The following GABRG2 variants were observed in gnomAD, a reference collection of about 807,000 sequenced individuals.
GABRG2 encodes gamma-aminobutyric acid type A receptor subunit gamma2, also known as gamma-aminobutyric acid receptor subunit gamma-2.
GABRG2 carries 16 observed loss-of-function variants against 56.4 expected under a neutral mutation model. The observed-to-expected ratio is 0.28, with a 90% CI of 0.19 to 0.43. GABRG2 has a LOEUF of 0.43. Among genes scored for constraint, GABRG2 ranks in the 20% least tolerant of loss-of-function variants. The pLI, the probability that GABRG2 is intolerant of heterozygous loss-of-function variation, is 1.00. For synonymous variants in GABRG2, 208 were observed against 205.5 expected (o/e 1.01, Z -0.10); for missense variants, 327 against 582.7 (o/e 0.56, Z 4.52).
At chr5:162,101,135 G>A (rs1761383116) in intron 4 of GABRG2, 100 bp from the exon 5 acceptor site, 2 of 837,190 alleles carry the variant, frequency 2.4e-6, no homozygotes, top group Non-Finnish European at 4.0e-6. Flanking sequence ...CAATCAGAAT[G>A]TGAGATATTC....
At chr5:162,141,455 G>A (rs1385435640) in intron 6 of GABRG2, among the ~76,000 whole-genome samples, 1 of 152,182 alleles carries the variant, frequency 6.6e-6, no homozygotes, top group Non-Finnish European at 1.5e-5. Context: ...AAATGTTACT[G>A]AATGCCTGTT....
intron 1 of GABRG2, among the ~76,000 whole-genome samples, chr5:162,077,197 G>A (rs1193496180): frequency 6.6e-6 from 1 of 151,566 alleles, no homozygotes; most frequent in Non-Finnish European, 1.5e-5. Flanking sequence ...GCCCCTGGTA[G>A]CCTCTTTTCC....
chr5:162,142,234 T>C lies in GABRG2; in HGVS notation c.840T>C (p.Tyr280=), dbSNP rs558779533. 378 of 1,614,064 alleles carry C rather than the reference T, an allele frequency of 2.3e-4. 4 individuals are homozygous for C. In the South Asian group the frequency reaches 3.9e-3, roughly 17 times the overall value. The change falls in exon 7 of 10, where the codon TAT becomes TAC. Residue 280 remains tyrosine (Y), a synonymous_variant. Transcript: ENST00000639213. ...TGGGATACTTTACCATCCAGACCTA[T>C]ATCCCCTGCACACTCATTGTCGTCC... ...RRMGYFTIQT[Y]IPCTLIVVLS... is the part of the protein sequence containing the mutation.
At chr5:162,139,295 G>C (rs2113581345) in intron 6 of GABRG2, among the ~76,000 whole-genome samples, 1 of 152,300 alleles carries the variant, frequency 6.6e-6, no homozygotes, top group South Asian at 2.1e-4. Context: ...AACCTTTTGG[G>C]CTTGGGAAAT....
In GABRG2 at chr5:162,079,216, G is replaced by C. The variant is rs142068735; in HGVS notation, c.107+11110G>C. 4.2e-3 allele frequency among the ~76,000 whole-genome samples: 635 copies of C among 152,162 alleles called. 4 individuals carry two copies. Among genetic ancestry groups the C allele is most frequent in the African/African-American group, 0.015 (605 of 41,530 alleles). The stretch of plus-strand genomic sequence containing the variant: ...GGGAGACTGACTTCCCTTTGCACGT[G>C]CAGCTCAATTTCTCTGATGACCAAG... On this transcript the variant is annotated intron_variant, in intron 1 of 9. Coordinates refer to ENST00000639213, the MANE Select transcript of GABRG2 (RefSeq NM_198904.4).
intron 6 of GABRG2, among the ~76,000 whole-genome samples, chr5:162,107,620 G>T (rs1761930901): frequency 6.6e-6 from 1 of 152,130 alleles, no homozygotes; most frequent in Non-Finnish European, 1.5e-5. Flanking sequence ...CCCCTGTGGT[G>T]GGTCGATAAG....
intron 6 of GABRG2, among the ~76,000 whole-genome samples, chr5:162,105,134 G>C (rs536468744): frequency 6.6e-6 from 1 of 152,030 alleles, no homozygotes; most frequent in Non-Finnish European, 1.5e-5. Flanking sequence ...TATTTTTTGC[G>C]TATGGAATAA....
Position 162,084,459 on chromosome 5 carries a change from G to A in GABRG2, c.108-9369G>A, listed in dbSNP as rs533067942. On this transcript the variant is annotated intron_variant, in intron 1 of 9. Coordinates refer to ENST00000639213, the MANE Select transcript of GABRG2 (RefSeq NM_198904.4). ...TACTCTAAGAAAAGAAAGTCCAGGT[G>A]GTTCTATCATACTCTCTTGCAGTAG... Among the ~76,000 whole-genome samples the A allele has an allele frequency of 9.2e-5, 14 of 151,934 alleles. No individual in the cohort carries two copies. In the South Asian group the frequency reaches 2.9e-3, roughly 31 times the overall value.
At chr5:162,110,372 C>T (rs879449741) in intron 6 of GABRG2, among the ~76,000 whole-genome samples, 3 of 152,056 alleles carry the variant, frequency 2.0e-5, no homozygotes, top group Non-Finnish European at 4.4e-5. Context: ...AGTCTCTGCT[C>T]CTATTTATTT....
Position 162,094,252 on chromosome 5 carries a change from A to G in GABRG2, c.259+273A>G, listed in dbSNP as rs73304541. On this transcript the variant is annotated intron_variant, in intron 2 of 9. Transcript: ENST00000639213. ...ATATCTCAGATAGAAGCTGTAGGAAAAAAAAAACAATGACCCCTTTATGAA... is the reference window on the plus strand; with the variant it reads ...ATATCTCAGATAGAAGCTGTAGGAAGAAAAAAACAATGACCCCTTTATGAA... 1,279 of 434,380 alleles carry G rather than the reference A, an allele frequency of 2.9e-3. 23 individuals carry two copies. Among genetic ancestry groups the G allele is most frequent in the African/African-American group, 0.024 (1,184 of 50,162 alleles). 26.9% of individuals were successfully genotyped at this position (434,380 alleles called of 1,614,324 possible). A position where few individuals can be genotyped will look rare whatever the true frequency, so the allele number is the denominator to read the frequency against.
At chr5:162,106,706 C>G (rs210989) in intron 6 of GABRG2, among the ~76,000 whole-genome samples, 123,253 of 152,092 alleles carry the variant, frequency 0.81, 50,066 homozygotes, top group Admixed American at 0.85. Context: ...GCCAAATTGC[C>G]ACATAGCTTA....
At chr5:162,104,071 G>C (rs769519002) in intron 6 of GABRG2, 45 bp downstream of exon 6, 6 of 1,605,370 alleles carry the variant, frequency 3.7e-6, no homozygotes, top group Non-Finnish European at 5.1e-6. Context: ...TTCCAGAGTT[G>C]AAATTTTGGT....
rs949187379 is a variant in GABRG2 at position 162,148,962 on chromosome 5, T to A, written c.923-146T>A. 13 of 724,418 alleles carry A rather than the reference T, an allele frequency of 1.8e-5. No individual in the cohort carries two copies. In the East Asian group the frequency reaches 2.9e-4, roughly 16 times the overall value. 44.9% of individuals were successfully genotyped at this position (724,418 alleles called of 1,614,324 possible). The stretch of plus-strand genomic sequence containing the variant: ...TAGACAGGCAATAAATATTTGTAAA[T>A]AGAGTGAATTAAATCCACTTATACC... On this transcript the variant is annotated intron_variant, in intron 7 of 9. Transcript: ENST00000639213.
At chr5:162,098,102 T>C in intron 4 of GABRG2, 1 of 525,772 alleles carries the variant, frequency 1.9e-6, no homozygotes, top group Non-Finnish European at 3.4e-6. Context: ...TGAAAACTAT[T>C]TTTTGTCACA....
chr5:162,109,420 A>ATATATATATATTTATT (rs1424412323), intron 6 of GABRG2, among the ~76,000 whole-genome samples: 33 of 116,098 alleles, frequency 2.8e-4, no homozygotes, highest in Non-Finnish European at 3.4e-4. Context: ...ATATATATAT[A>ATATATATATATTTATT]TATTTATTTA....
At chr5:162,089,406 G>C (rs376217216) in intron 1 of GABRG2, among the ~76,000 whole-genome samples, 119 of 152,178 alleles carry the variant, frequency 7.8e-4, no homozygotes, top group African/African-American at 2.7e-3. Context: ...TGTAAGTAGT[G>C]TATATTCACA....
At chr5:162,124,896 A>G (rs1023137698) in intron 6 of GABRG2, among the ~76,000 whole-genome samples, 5 of 151,626 alleles carry the variant, frequency 3.3e-5, no homozygotes, top group Non-Finnish European at 5.9e-5. Flanking sequence ...CATTACCTAC[A>G]CATAAGAGCA....
chr5:162,154,943 T>C lies in GABRG2; in HGVS notation c.*1575T>C, dbSNP rs1765613142. ...AGACTTAAAACATGATGAGTTGAGC[T>C]CTATCTTCATGTACTCATCCTGAAT... is the stretch of plus-strand genomic sequence containing the variant. On this transcript the variant is annotated 3_prime_UTR_variant, in exon 10 of 10. Coordinates refer to ENST00000639213, the MANE Select transcript of GABRG2 (RefSeq NM_198904.4). 6.6e-6 allele frequency: 1 copy of C among 152,132 alleles called. No homozygotes were observed. Among genetic ancestry groups the C allele is most frequent in the African/African-American group, 2.4e-5 (1 of 41,444 alleles). The allele number at this position is 152,132 out of a possible 1,614,324, so 9.4% of individuals were successfully genotyped here.
intron 3 of GABRG2, among the ~76,000 whole-genome samples, chr5:162,096,271 TC>T (rs1760988800): frequency 6.6e-6 from 1 of 152,078 alleles, no homozygotes; most frequent in South Asian, 2.1e-4. Flanking sequence ...AATTCTAACT[TC>T]TTTATAACCA....
Sources: gnomAD v4.1 joint callset for allele counts (sites outside exome capture counted in the v4.1 genomes callset) on GRCh38, gnomAD v4.1.1 for gene constraint, MANE v1.5 for transcripts, NCBI Gene and HGNC (gene_info 2026-07-23, HGNC 2026-07-21) for gene names.